Variants in LHX3 observed in about 807,000 individuals in gnomAD.
The protein encoded by LHX3 is LIM homeobox 3, also known as LIM/homeobox protein Lhx3.
Under a neutral mutation model 32.4 loss-of-function variants are expected in LHX3, and 21 were observed. The observed-to-expected ratio is 0.65, with a 90% CI of 0.46 to 0.93. The LOEUF (loss-of-function observed/expected upper bound fraction) is 0.93. Ranked by LOEUF, LHX3 falls within the 40% of genes least tolerant of loss-of-function variation. The pLI is 0.00. For missense variants in LHX3, 626 were observed against 560.0 expected (o/e 1.12, Z -1.19); for synonymous variants, 258 against 246.8 (o/e 1.05, Z -0.43).
Position 136,203,172 on chromosome 9 carries a change from C to A in LHX3, c.79+1762G>T, listed in dbSNP as rs1007039526. Reference sequence around the variant, plus strand: ...CTGGGCGCTGCGCCCGCGGGCCGCCCTGGGGCCCGGAGCCTCTGGCCGAGC... The same window carrying A: ...CTGGGCGCTGCGCCCGCGGGCCGCCATGGGGCCCGGAGCCTCTGGCCGAGC... On this transcript the variant is annotated intron_variant, in intron 1 of 5. Transcript: ENST00000371748. The A allele has an allele frequency of 1.3e-5, 17 of 1,266,840 alleles. No homozygotes were observed. The African/African-American group carries it at 2.4e-4, about 18-fold the overall frequency. 78.5% of individuals were successfully genotyped at this position (1,266,840 alleles called of 1,614,324 possible). A position where few individuals can be genotyped will look rare whatever the true frequency, so the allele number is the denominator to read the frequency against.
intron 1 of LHX3, among the ~76,000 whole-genome samples, chr9:136,201,880 G>A (rs948017968): frequency 6.6e-6 from 1 of 152,166 alleles, no homozygotes; most frequent in Non-Finnish European, 1.5e-5. Flanking sequence ...GGCTCGGAGC[G>A]GGGCGGCCCG....
intron 1 of LHX3, among the ~76,000 whole-genome samples, chr9:136,203,799 C>T (rs550496445): frequency 1.3e-5 from 2 of 152,372 alleles, no homozygotes; most frequent in East Asian, 1.9e-4. Flanking sequence ...CCTTCCATTT[C>T]CAGCCCCCAG....
Position 136,197,659 on chromosome 9 carries a change from G to C in LHX3, c.860C>G (p.Ser287Trp). The change falls in exon 6 of 6, where the codon TCG becomes TGG. Residue 287 changes from serine to tryptophan, a missense_variant. Transcript: ENST00000371748. ...CAGGGAGAAGTTGCCCAGGGCTCCCGAGGGCCGGCCCAAGGCCTGGGTGGG... is the reference window on the plus strand; with the variant it reads ...CAGGGAGAAGTTGCCCAGGGCTCCCCAGGGCCGGCCCAAGGCCTGGGTGGG... ...GEPTQALGRP[S>W]GALGNFSLEH... 6.2e-7 allele frequency: 1 copy of C among 1,600,930 alleles called. No homozygotes were observed. Among genetic ancestry groups the C allele is most frequent in the Non-Finnish European group, 8.5e-7 (1 of 1,176,054 alleles).
rs369672206 is a variant in LHX3, at chr9:136,204,995, C to A, written c.18G>T (p.Gly6=). 5.2e-5 allele frequency: 83 copies of A among 1,590,946 alleles called. No homozygotes were observed. In the African/African-American group the frequency reaches 6.4e-4, roughly 12 times the overall value. Residue 6 remains glycine (G), a synonymous_variant, in exon 1 of 6, where the codon GGG becomes GGT. Coordinates refer to ENST00000371748, the MANE Select transcript of LHX3 (RefSeq NM_178138.6). The part of the protein sequence containing the change: MLLET[G]LERDRARPGA... Reference sequence around the variant, plus strand: ...CGGGCCTCGCTCGGTCGCGCTCGAGCCCCGTTTCCAGCAGCATCGCGGCCA... The same window carrying A: ...CGGGCCTCGCTCGGTCGCGCTCGAGACCCGTTTCCAGCAGCATCGCGGCCA...
intron 1 of LHX3, among the ~76,000 whole-genome samples, chr9:136,204,144 ATGGC>A (rs975720723): frequency 4.2e-4 from 64 of 152,324 alleles, no homozygotes; most frequent in Admixed American, 3.4e-3. Flanking sequence ...CACTCTGCCT[ATGGC>A]TTCTGGACTG....
Position 136,198,715 on chromosome 9 carries a change from A to G in LHX3, c.712T>C (p.Ser238Pro). Residue 238 changes from serine to proline, a missense_variant, in exon 5 of 6, where the codon TCC becomes CCC. Ser to Pro is a moderately conservative substitution (Grantham distance 74, BLOSUM62 -1). Transcript: ENST00000371748. ...TGAACGCTGTCCTTGTCCGACTTGGAGCCGCCGCGGGAGCGCTTCATGTTG... is the reference window on the plus strand; with the variant it reads ...TGAACGCTGTCCTTGTCCGACTTGGGGCCGCCGCGGGAGCGCTTCATGTTG... ...FRNMKRSRGG[S>P]KSDKDSVQEG... The G allele has an allele frequency of 6.2e-7, 1 of 1,611,100 alleles. No individual in the cohort carries two copies. The highest frequency in any genetic ancestry group is 8.5e-7 in the Non-Finnish European group (1 of 1,179,690).
intron 1 of LHX3, chr9:136,202,884 G>T: frequency 1.3e-6 from 2 of 1,506,956 alleles, no homozygotes; most frequent in Admixed American, 2.0e-5. Context: ...CCGCGGCCAG[G>T]CCCGGAAAGG....
chr9:136,201,750 G>A (rs1831644499), intron 1 of LHX3: 2 of 968,120 alleles, frequency 2.1e-6, no homozygotes, highest in Admixed American at 6.1e-5. Context: ...ACGCAGTGGC[G>A]GGAAACCGGC....
chr9:136,202,100 C>T (rs923332892), intron 1 of LHX3, among the ~76,000 whole-genome samples: 38 of 152,242 alleles, frequency 2.5e-4, no homozygotes, highest in African/African-American at 8.7e-4. Context: ...GCCAGCCCGC[C>T]CGCTCCGGCC....
At chr9:136,202,887 C>G in intron 1 of LHX3, 1 of 1,511,364 alleles carries the variant, frequency 6.6e-7, no homozygotes, top group Non-Finnish European at 8.9e-7. Context: ...CGGCCAGGCC[C>G]GGAAAGGCCT....
Position 136,197,512 on chromosome 9 carries a change from C to A in LHX3, c.1007G>T (p.Ser336Ile). 2.6e-6 allele frequency: 4 copies of A among 1,539,568 alleles called. No individual in the cohort carries two copies. Among genetic ancestry groups the A allele is most frequent in the Non-Finnish European group, 3.5e-6 (4 of 1,139,558 alleles). The change falls in exon 6 of 6, where the codon AGC becomes ATC. Residue 336 changes from serine to isoleucine, a missense_variant. Coordinates refer to ENST00000371748, the MANE Select transcript of LHX3 (RefSeq NM_178138.6). ...SLPGPQPLLS[S>I]LVYPDTSLGL... ...CAAGCTGGTGTCTGGGTACACCAGGCTGGAGAGGAGGGGCTGGGGGCCAGG... is the reference window on the plus strand; with the variant it reads ...CAAGCTGGTGTCTGGGTACACCAGGATGGAGAGGAGGGGCTGGGGGCCAGG...
At position 136,197,294 on chromosome 9, in the gene LHX3, G is replaced by C. The variant is rs776792156; in HGVS notation, c.*31C>G. 1.9e-5 allele frequency: 31 copies of C among 1,609,768 alleles called. No individual in the cohort carries two copies. In the East Asian group the frequency reaches 6.0e-4, roughly 31 times the overall value. ...CCGCCCACCCAGGGGCAGCTCCCTC[G>C]TGTGAGGTGCAGGGTGGAGCCGGGC... On this transcript the variant is annotated 3_prime_UTR_variant, in exon 6 of 6. Transcript: ENST00000371748.
At position 136,199,073 on chromosome 9, in the gene LHX3, G is replaced by A; in HGVS notation, c.455-14C>T. 2.0e-6 allele frequency: 3 copies of A among 1,476,876 alleles called. No homozygotes were observed. The highest frequency in any genetic ancestry group is 2.1e-4 in the Middle Eastern group (1 of 4,850). 91.5% of individuals were successfully genotyped at this position (1,476,876 alleles called of 1,614,324 possible). A position where few individuals can be genotyped will look rare whatever the true frequency, so the allele number is the denominator to read the frequency against. Reference sequence around the variant, plus strand: ...TGGCCTCGGCCTCTGCGCGGCGGGCGAGCGGTGAGGCGCGGCAGCCCCTCC... The same window carrying A: ...TGGCCTCGGCCTCTGCGCGGCGGGCAAGCGGTGAGGCGCGGCAGCCCCTCC... On this transcript the variant is annotated splice_polypyrimidine_tract_variant and intron_variant, in intron 3 of 5. Transcript: ENST00000371748.
At chr9:136,203,215 G>C in intron 1 of LHX3, 1 of 927,882 alleles carries the variant, frequency 1.1e-6, no homozygotes, top group Non-Finnish European at 1.3e-6. Context: ...GGAGCGGCCG[G>C]GGGGCGGGGC....
chr9:136,204,179 C>T (rs1831707188), intron 1 of LHX3, among the ~76,000 whole-genome samples: 2 of 152,224 alleles, frequency 1.3e-5, no homozygotes, highest in Admixed American at 1.3e-4. Flanking sequence ...GGGCCCAGGC[C>T]CAGAAGGATG....
At chr9:136,201,939 G>C (rs1831649262) in intron 1 of LHX3, among the ~76,000 whole-genome samples, 2 of 152,020 alleles carry the variant, frequency 1.3e-5, no homozygotes, top group East Asian at 3.9e-4. Flanking sequence ...ACAGCGCCTC[G>C]GCCGCAGCTC....
rs1335699904 is a variant in LHX3 at position 136,197,368 on chromosome 9, C to G, written c.1151G>C (p.Ser384Thr). ...SSGGYPDFPA[S>T]PASWLDEVDH... ...TACCTCATCCAGCCAGGAGGCGGGG[C>G]TGGCAGGGAAGTCGGGGTAACCCCC... The change falls in exon 6 of 6, where the codon AGC becomes ACC. Residue 384 changes from serine to threonine, a missense_variant. Ser to Thr is a moderately conservative substitution (Grantham distance 58, BLOSUM62 1). Coordinates refer to ENST00000371748, the MANE Select transcript of LHX3 (RefSeq NM_178138.6). 1 of 1,612,090 alleles carries G rather than the reference C, an allele frequency of 6.2e-7. No homozygotes were observed. The highest frequency in any genetic ancestry group is 1.1e-5 in the South Asian group (1 of 91,042).
chr9:136,203,749 C>G (rs1426290407), intron 1 of LHX3, among the ~76,000 whole-genome samples: 1 of 152,216 alleles, frequency 6.6e-6, no homozygotes, highest in Non-Finnish European at 1.5e-5. Flanking sequence ...GCCAAGACCT[C>G]GGGTCGTGAG....
At chr9:136,204,797 C>G (rs947558438) in intron 1 of LHX3, 137 bp downstream of exon 1, 8 of 738,276 alleles carry the variant, frequency 1.1e-5, no homozygotes, top group Middle Eastern at 2.4e-4. Context: ...AACTCACTCT[C>G]TGCAGTTTCC....
Sources: gnomAD v4.1 joint callset for allele counts (sites outside exome capture counted in the v4.1 genomes callset) on GRCh38, gnomAD v4.1.1 for gene constraint, MANE v1.5 for transcripts, NCBI Gene and HGNC (gene_info 2026-07-23, HGNC 2026-07-21) for gene names.